The following DISC1 variants were observed in gnomAD, a reference collection of about 807,000 sequenced individuals.
DISC1 encodes the protein disrupted in schizophrenia 1 protein.
A neutral mutation model predicts 84.5 loss-of-function variants in DISC1; 57 were observed. That is an observed-to-expected ratio of 0.67 (90% confidence interval 0.55 to 0.84). The LOEUF (loss-of-function observed/expected upper bound fraction) is 0.84, where lower values mean the gene tolerates loss of function less well. Ranked by LOEUF, DISC1 falls within the 40% of genes least tolerant of loss-of-function variation. The pLI, the probability that DISC1 is intolerant of heterozygous loss-of-function variation, is 0.00. For missense variants in DISC1, 1,000 were observed against 1,057.8 expected, an observed-to-expected ratio of 0.95 and a Z score of 0.76; for synonymous variants, 411 against 415.2, an observed-to-expected ratio of 0.99 and a Z score of 0.12.
At chr1:231,849,950 T>C (rs1414124053) in intron 9 of DISC1, among the ~76,000 whole-genome samples, 1 of 152,256 alleles carries the variant, frequency 6.6e-6, no homozygotes, top group East Asian at 1.9e-4. Flanking sequence ...AACAGAACTT[T>C]GGAAGCATGA....
chr1:232,014,477 G>A (rs1668303141), intron 11 of DISC1, among the ~76,000 whole-genome samples: 1 of 152,208 alleles, frequency 6.6e-6, no homozygotes, highest in Non-Finnish European at 1.5e-5. Context: ...TGCAAACCCA[G>A]CCATCTTTCC....
At chr1:232,020,438 C>A (rs185559100) in intron 11 of DISC1, among the ~76,000 whole-genome samples, 1 of 152,192 alleles carries the variant, frequency 6.6e-6, no homozygotes, top group African/African-American at 2.4e-5. Context: ...TTCCTAAGAC[C>A]CCTACCAAAT....
At chr1:231,774,054 G>C (rs2125478825) in intron 6 of DISC1, among the ~76,000 whole-genome samples, 1 of 151,900 alleles carries the variant, frequency 6.6e-6, no homozygotes, top group South Asian at 2.1e-4. Flanking sequence ...CTTGAGTCCA[G>C]GAATTTGACA....
chr1:231,732,815 G>A (rs1258432752), intron 3 of DISC1, among the ~76,000 whole-genome samples: 1 of 152,218 alleles, frequency 6.6e-6, no homozygotes, highest in East Asian at 1.9e-4. Context: ...TTGTGACAGT[G>A]GTGATAGTGG....
At chr1:231,680,423 T>C (rs921207776) in intron 1 of DISC1, among the ~76,000 whole-genome samples, 1 of 152,140 alleles carries the variant, frequency 6.6e-6, no homozygotes, top group African/African-American at 2.4e-5. Context: ...CCCGTGCATA[T>C]AGCAGCAGGT....
intron 10 of DISC1, among the ~76,000 whole-genome samples, chr1:231,991,719 T>C (rs1665231263): frequency 6.6e-6 from 1 of 152,138 alleles, no homozygotes; most frequent in South Asian, 2.1e-4. Flanking sequence ...AGGGTGTGTG[T>C]GGTTTATTTG....
At chr1:231,993,348 G>A (rs1403021044) in intron 10 of DISC1, among the ~76,000 whole-genome samples, 1 of 151,380 alleles carries the variant, frequency 6.6e-6, no homozygotes, top group Non-Finnish European at 1.5e-5. Flanking sequence ...GGAATAAGAG[G>A]CATTCACGTT....
At chr1:231,825,605 AC>A (rs2081808038) in intron 9 of DISC1, among the ~76,000 whole-genome samples, 1 of 151,952 alleles carries the variant, frequency 6.6e-6, no homozygotes, top group African/African-American at 2.4e-5. Flanking sequence ...TTGCATGGGG[AC>A]CCTATCATGT....
At chr1:231,690,346 C>T (rs1344631514) in intron 1 of DISC1, among the ~76,000 whole-genome samples, 2 of 152,202 alleles carry the variant, frequency 1.3e-5, no homozygotes, top group Non-Finnish European at 2.9e-5. Flanking sequence ...CCTGCTCAGT[C>T]GTTCGTTCCT....
rs2079096621 is a variant in DISC1 at position 231,799,999 on chromosome 1, C to T, written c.1690-109C>T. The T allele has an allele frequency of 4.5e-6, 3 of 664,226 alleles. No homozygotes were observed. The Admixed American group carries it at 7.0e-5, about 15-fold the overall frequency. 41.1% of individuals were successfully genotyped at this position (664,226 alleles called of 1,614,324 possible). A position where few individuals can be genotyped will look rare whatever the true frequency, so the allele number is the denominator to read the frequency against. The stretch of plus-strand genomic sequence containing the variant: ...ACATTGTCTTCCAATTACTTTTCAT[C>T]ACCCCTTTTAATTACTTACAAACCC... On this transcript the variant is annotated intron_variant, in intron 7 of 12. Transcript: ENST00000439617.
intron 3 of DISC1, chr1:231,724,100 G>GA (rs1558427426): frequency 1.1e-6 from 1 of 871,612 alleles, no homozygotes; most frequent in Non-Finnish European, 1.4e-6. Flanking sequence ...CCTGCTAATA[G>GA]ATTGGACCAG....
At chr1:231,886,142 C>A (rs1007832968) in intron 9 of DISC1, among the ~76,000 whole-genome samples, 1 of 152,296 alleles carries the variant, frequency 6.6e-6, no homozygotes. Flanking sequence ...GGGTGGTGCC[C>A]CCATGACCCA....
In DISC1 at chr1:231,727,839, T is replaced by C. The variant is rs149479758; in HGVS notation, c.1118-22087T>C. 8.1e-3 allele frequency among the ~76,000 whole-genome samples: 1,235 copies of C among 151,620 alleles called. 20 individuals carry two copies. The highest frequency in any genetic ancestry group is 0.027 in the African/African-American group (1,130 of 41,286). ...GGTGGGTCATGCCTTGCAATCTCAG[T>C]GCTTTGGGAGGCTGAGGTCGGAGGA... On this transcript the variant is annotated intron_variant, in intron 3 of 12. Transcript: ENST00000439617.
chr1:231,780,483 T>C (rs1407544066), intron 6 of DISC1, among the ~76,000 whole-genome samples: 1 of 148,594 alleles, frequency 6.7e-6, no homozygotes, highest in Non-Finnish European at 1.5e-5. Flanking sequence ...CCAGTTAGAA[T>C]GGCAATCATT....
intron 10 of DISC1, among the ~76,000 whole-genome samples, chr1:231,988,014 C>T (rs1461038773): frequency 2.6e-5 from 4 of 152,032 alleles, no homozygotes; most frequent in African/African-American, 7.2e-5. Context: ...GGTGAAACCC[C>T]GTCCCTACTA....
At chr1:231,794,869 T>G (rs1406040053) in intron 6 of DISC1, among the ~76,000 whole-genome samples, 2 of 152,180 alleles carry the variant, frequency 1.3e-5, no homozygotes, top group African/African-American at 4.8e-5. Context: ...TAGATACTAT[T>G]TGATTCCCTG....
intron 12 of DISC1, among the ~76,000 whole-genome samples, chr1:232,026,998 G>A (rs996651793): frequency 2.7e-4 from 41 of 152,104 alleles, no homozygotes; most frequent in East Asian, 1.9e-4. Context: ...TGATCCGCCC[G>A]CCTTGGCCTC....
intron 9 of DISC1, among the ~76,000 whole-genome samples, chr1:231,909,212 A>G (rs1382517626): frequency 6.6e-6 from 1 of 152,178 alleles, no homozygotes; most frequent in Non-Finnish European, 1.5e-5. Flanking sequence ...ACTATGCTGA[A>G]TAGGAGTGGT....
intron 6 of DISC1, among the ~76,000 whole-genome samples, chr1:231,787,711 C>T (rs1433440416): frequency 2.6e-5 from 4 of 152,202 alleles, no homozygotes; most frequent in African/African-American, 2.4e-5. Flanking sequence ...AGCACAATCA[C>T]TCTGAATTTT....
Sources: allele counts gnomAD v4.1 joint callset (sites outside exome capture counted in the v4.1 genomes callset), GRCh38; gene constraint gnomAD v4.1.1; transcripts MANE v1.5; gene names NCBI Gene and HGNC (gene_info 2026-07-23, HGNC 2026-07-21).